The following KCNIP1 variants were observed in gnomAD, a reference collection of about 807,000 sequenced individuals.
The protein encoded by KCNIP1 is A-type potassium channel modulatory protein KCNIP1.
A neutral mutation model predicts 33.0 loss-of-function variants in KCNIP1; 18 were observed. The ratio of observed to expected loss-of-function variants is 0.55; its 90% CI spans 0.38 to 0.81. The LOEUF (loss-of-function observed/expected upper bound fraction) is 0.81. Among genes scored for constraint, KCNIP1 ranks in the 30% least tolerant of loss-of-function variants. The pLI is 0.00. For synonymous variants in KCNIP1, 93 were observed against 98.3 expected (o/e 0.95, Z 0.32); for missense variants, 238 against 271.6 (o/e 0.88, Z 0.87).
chr5:170,655,402 C>T (rs1181802552), intron 1 of KCNIP1, among the ~76,000 whole-genome samples: 1 of 152,200 alleles, frequency 6.6e-6, no homozygotes, highest in Non-Finnish European at 1.5e-5. Flanking sequence ...CTCTGGAGAA[C>T]TTCTTTAGCT....
At position 170,720,382 on chromosome 5, in the gene KCNIP1, CT is replaced by C. The variant is rs1763777888; in HGVS notation, c.249del (p.His84MetfsTer23). 2 of 1,613,422 alleles carry C rather than the reference CT, an allele frequency of 1.2e-6. No homozygotes were observed. The highest frequency in any genetic ancestry group is 1.7e-6 in the Non-Finnish European group (2 of 1,179,344). On this transcript the variant is annotated frameshift_variant, in exon 3 of 8. Transcript: ENST00000328939. LOFTEE classifies it high-confidence loss of function. ...TFKQIYAQFF[P>X]HGDASTYAHY... is the part of the protein sequence containing the mutation. ...AAGCAGATCTATGCTCAGTTTTTCCCTCATGGAGGTGAGTCTGACCTTGAAA... is the reference window on the plus strand; with the variant it reads ...AAGCAGATCTATGCTCAGTTTTTCCCCATGGAGGTGAGTCTGACCTTGAAA...
intron 1 of KCNIP1, among the ~76,000 whole-genome samples, chr5:170,610,096 C>T (rs1008562919): frequency 2.0e-5 from 3 of 152,168 alleles, no homozygotes; most frequent in Non-Finnish European, 2.9e-5. Context: ...AAGACATGGT[C>T]TCCTGACCAG....
intron 1 of KCNIP1, among the ~76,000 whole-genome samples, chr5:170,398,683 T>A (rs1456923046): frequency 6.6e-6 from 1 of 152,206 alleles, no homozygotes; most frequent in Non-Finnish European, 1.5e-5. Flanking sequence ...TCTGGCAAGA[T>A]TCAGAGGCCC....
At chr5:170,526,391 C>T (rs1205384285) in intron 1 of KCNIP1, among the ~76,000 whole-genome samples, 2 of 152,170 alleles carry the variant, frequency 1.3e-5, no homozygotes, top group African/African-American at 2.4e-5. Flanking sequence ...GGGGTGGATT[C>T]GAACTCAGGC....
At chr5:170,432,255 T>C (rs780613355) in intron 1 of KCNIP1, among the ~76,000 whole-genome samples, 1 of 152,214 alleles carries the variant, frequency 6.6e-6, no homozygotes, top group Non-Finnish European at 1.5e-5. Flanking sequence ...TGCACTCATT[T>C]ATATCAACCC....
At chr5:170,715,320 T>A (rs1763609694) in intron 1 of KCNIP1, among the ~76,000 whole-genome samples, 1 of 152,178 alleles carries the variant, frequency 6.6e-6, no homozygotes, top group Non-Finnish European at 1.5e-5. Context: ...TAACAACACA[T>A]TTCTCAGAGC....
intron 1 of KCNIP1, among the ~76,000 whole-genome samples, chr5:170,571,542 C>T (rs953244945): frequency 1.3e-5 from 2 of 152,182 alleles, no homozygotes; most frequent in Admixed American, 6.5e-5. Flanking sequence ...TTTATACCAC[C>T]GTGGCCAGGG....
intron 1 of KCNIP1, among the ~76,000 whole-genome samples, chr5:170,596,201 A>G (rs1166692504): frequency 6.6e-6 from 1 of 152,230 alleles, no homozygotes; most frequent in Non-Finnish European, 1.5e-5. Flanking sequence ...GAAGAATAGA[A>G]TTCCCCCAGT....
chr5:170,509,218 A>T (rs781582378), intron 1 of KCNIP1, among the ~76,000 whole-genome samples: 3 of 152,324 alleles, frequency 2.0e-5, no homozygotes, highest in Non-Finnish European at 4.4e-5. Context: ...TTTACCATTT[A>T]GCAGGAAAGT....
chr5:170,607,780 T>C (rs543282710), intron 1 of KCNIP1, among the ~76,000 whole-genome samples: 1 of 152,276 alleles, frequency 6.6e-6, no homozygotes, highest in South Asian at 2.1e-4. Flanking sequence ...GGAGGTGAGA[T>C]GAGGGTCTCA....
intron 1 of KCNIP1, among the ~76,000 whole-genome samples, chr5:170,611,200 C>T (rs1331426739): frequency 2.0e-5 from 3 of 152,184 alleles, no homozygotes; most frequent in African/African-American, 7.2e-5. Context: ...GAAGCAGGTG[C>T]ATCAGTTTTT....
chr5:170,672,759 T>C (rs574555792), intron 1 of KCNIP1, among the ~76,000 whole-genome samples: 2 of 151,954 alleles, frequency 1.3e-5, no homozygotes, highest in Non-Finnish European at 2.9e-5. Context: ...GGGCAGAAAA[T>C]AGAGGAGAAA....
At position 170,416,800 on chromosome 5, in the gene KCNIP1, G is replaced by A. The variant is rs533155961; in HGVS notation, c.88+62836G>A. 1.0e-3 allele frequency among the ~76,000 whole-genome samples: 154 copies of A among 152,284 alleles called. 1 individual carries two copies. Among genetic ancestry groups the A allele is most frequent in the Non-Finnish European group, 1.9e-3 (128 of 68,018 alleles). On this transcript the variant is annotated intron_variant, in intron 1 of 7. Coordinates refer to the KCNIP1 transcript ENST00000377360. ...TAACAACAACCCTGTAAGGTGCATA[G>A]TTTTATTATCATCCCCATTTTACAG...
rs553905366 is a variant in KCNIP1 at position 170,667,314 on chromosome 5, A to G, written c.62-51444A>G. On this transcript the variant is annotated intron_variant, in intron 1 of 7. Coordinates refer to ENST00000328939, the MANE Select transcript of KCNIP1 (RefSeq NM_014592.4). Reference sequence around the variant, plus strand: ...GCAACAAGAGTGAAACTCCGTCTCAAAAAAAAAAAAAAGTAAAAACTGTCA... The same window carrying G: ...GCAACAAGAGTGAAACTCCGTCTCAGAAAAAAAAAAAAGTAAAAACTGTCA... Among the ~76,000 whole-genome samples, 43 of 147,674 alleles carry G rather than the reference A, an allele frequency of 2.9e-4. 1 individual carries two copies. The highest frequency in any genetic ancestry group is 1.1e-3 in the Admixed American group (16 of 14,976).
intron 1 of KCNIP1, among the ~76,000 whole-genome samples, chr5:170,672,231 T>C (rs957382949): frequency 1.3e-5 from 2 of 152,106 alleles, no homozygotes; most frequent in African/African-American, 4.8e-5. Flanking sequence ...GAGATGAGGC[T>C]GGGGAGGGAG....
At chr5:170,500,782 C>T (rs540656808), upstream of KCNIP1, among the ~76,000 whole-genome samples, 21 of 152,264 alleles carry the variant, frequency 1.4e-4, no homozygotes, top group South Asian at 2.1e-4. Context: ...TGTCACAAGG[C>T]GTCCGCAGGA....
At chr5:170,431,229 C>A (rs984866741) in intron 1 of KCNIP1, among the ~76,000 whole-genome samples, 6 of 152,276 alleles carry the variant, frequency 3.9e-5, no homozygotes, top group Non-Finnish European at 7.3e-5. Context: ...CTTGCTGCCA[C>A]TGCCTGTCAG....
Position 170,401,744 on chromosome 5 carries a change from G to A in KCNIP1, c.88+47780G>A, listed in dbSNP as rs1460180692. 5.3e-5 allele frequency among the ~76,000 whole-genome samples: 8 copies of A among 150,124 alleles called. 1 individual carries two copies. The South Asian group carries it at 8.4e-4, about 16-fold the overall frequency. ...GCCACTGCACTTTAGCTTGAGTGAC[G>A]TTGAGACTCTGTCAAAAAAAAAAAA... On this transcript the variant is annotated intron_variant, in intron 1 of 7. Transcript: ENST00000377360.
In KCNIP1 at chr5:170,355,310, G is replaced by T. The variant is rs143413570; in HGVS notation, c.88+1346G>T. On this transcript the variant is annotated intron_variant, in intron 1 of 7. Coordinates refer to the KCNIP1 transcript ENST00000377360. ...GGGTATAGCTGTGATTGCTCTCAGT[G>T]GCTTTACCTCCTGGAGAAGGAGAAA... 1.7e-3 allele frequency among the ~76,000 whole-genome samples: 260 copies of T among 152,336 alleles called. 3 individuals carry two copies. The highest frequency in any genetic ancestry group is 6.1e-3 in the African/African-American group (254 of 41,580).
Sources: allele counts gnomAD v4.1 joint callset (sites outside exome capture counted in the v4.1 genomes callset), GRCh38; gene constraint gnomAD v4.1.1; transcripts MANE v1.5; gene names NCBI Gene and HGNC (gene_info 2026-07-23, HGNC 2026-07-21).